The following SLC4A4 variants were observed in gnomAD, a reference collection of about 807,000 sequenced individuals.
SLC4A4 encodes electrogenic sodium bicarbonate cotransporter 1.
Under a neutral mutation model 111.5 loss-of-function variants are expected in SLC4A4, and 27 were observed. That is an observed-to-expected ratio of 0.24 (90% confidence interval 0.18 to 0.33). SLC4A4 has a LOEUF of 0.33. SLC4A4 is among the 10% of genes least tolerant of loss of function. The probability of loss-of-function intolerance (pLI) is 1.00; values close to 1 mark genes in which losing one functional copy is unlikely to be tolerated. For missense variants in SLC4A4, 909 were observed against 1,315.5 expected (o/e 0.69, Z 4.78); for synonymous variants, 443 against 463.4 (o/e 0.96, Z 0.57).
chr4:71,555,180 T>C lies in SLC4A4; in HGVS notation c.2735T>C (p.Met912Thr). Residue 912 changes from methionine to threonine, a missense_variant, in exon 21 of 26, where the codon ATG (methionine) becomes ACG (threonine). This residue lies in a region of SLC4A4 where 104 missense variants were observed against 219.5 expected (regional missense o/e 0.47). Transcript: ENST00000264485. The part of the protein sequence containing the change: ...MPVLYGVFLY[M>T]GVASLNGVQF... Reference sequence around the variant, plus strand: ...GTACTCTATGGTGTGTTCCTGTATATGGGAGTAGCATCCCTTAATGGTGTG... The same window carrying C: ...GTACTCTATGGTGTGTTCCTGTATACGGGAGTAGCATCCCTTAATGGTGTG... 1 of 1,610,530 alleles carries C rather than the reference T, an allele frequency of 6.2e-7. No individual in the cohort carries two copies. The highest frequency in any genetic ancestry group is 1.1e-5 in the South Asian group (1 of 90,998).
At chr4:71,101,539 G>A (rs1007582001) in intron 2 of SLC4A4, among the ~76,000 whole-genome samples, 1 of 152,112 alleles carries the variant, frequency 6.6e-6, no homozygotes, top group African/African-American at 2.4e-5. Flanking sequence ...ATTTGTCAGA[G>A]AGCAGTGGTT....
chr4:71,176,609 C>T (rs199669808), intron 2 of SLC4A4, among the ~76,000 whole-genome samples: 21 of 151,838 alleles, frequency 1.4e-4, no homozygotes, highest in African/African-American at 2.7e-4. Context: ...TGAAATGAAG[C>T]GAGAAGAGAA....
intron 2 of SLC4A4, among the ~76,000 whole-genome samples, chr4:71,095,843 G>T (rs1742531195): frequency 6.6e-6 from 1 of 152,176 alleles, no homozygotes; most frequent in Non-Finnish European, 1.5e-5. Context: ...TAATCTGAAG[G>T]TCAGAGAAAG....
intron 13 of SLC4A4, among the ~76,000 whole-genome samples, chr4:71,470,799 A>G (rs767128424): frequency 3.9e-5 from 6 of 152,034 alleles, no homozygotes; most frequent in East Asian, 1.9e-4. Context: ...AGAACCAGGA[A>G]GAGCTGATGT....
At chr4:71,076,233 A>T (rs1741816115) in intron 1 of SLC4A4, among the ~76,000 whole-genome samples, 1 of 152,104 alleles carries the variant, frequency 6.6e-6, no homozygotes, top group African/African-American at 2.4e-5. Context: ...CAGATGCTTG[A>T]AGAATATTGT....
intron 2 of SLC4A4, among the ~76,000 whole-genome samples, chr4:71,130,042 TAC>T (rs1306080502): frequency 6.6e-6 from 1 of 152,160 alleles, no homozygotes; most frequent in African/African-American, 2.4e-5. Context: ...CCATGCTTAT[TAC>T]CTGGGTGATG....
At chr4:71,498,165 G>A (rs1730585918) in intron 16 of SLC4A4, among the ~76,000 whole-genome samples, 1 of 152,038 alleles carries the variant, frequency 6.6e-6, no homozygotes, top group Admixed American at 6.6e-5. Context: ...ATTGGTGTAA[G>A]ATATGACTGT....
At chr4:71,068,883 C>A (rs1282398335) in intron 1 of SLC4A4, among the ~76,000 whole-genome samples, 1 of 152,226 alleles carries the variant, frequency 6.6e-6, no homozygotes, top group Non-Finnish European at 1.5e-5. Context: ...CCATTTTTAG[C>A]AGTGCTTTTT....
At position 71,173,467 on chromosome 4, in the gene SLC4A4, A is replaced by G. The variant is rs574867125; in HGVS notation, c.-1-63109A>G. Among the ~76,000 whole-genome samples the G allele has an allele frequency of 2.0e-5, 3 of 152,176 alleles. No individual in the cohort carries two copies. In the South Asian group the frequency reaches 6.2e-4, roughly 32 times the overall value. On this transcript the variant is annotated intron_variant, in intron 2 of 26. Coordinates refer to the SLC4A4 transcript ENST00000649996. ...ACGATCTCAGCTCACTGCAACCTCC[A>G]CCTCCTGGGTTTAAGTGATTCTCCT...
intron 6 of SLC4A4, among the ~76,000 whole-genome samples, chr4:71,372,448 A>G (rs944341496): frequency 6.6e-6 from 1 of 152,256 alleles, no homozygotes; most frequent in Non-Finnish European, 1.5e-5. Context: ...CCTTGCCATT[A>G]TTAGAGCATA....
chr4:71,504,684 T>C (rs6840114), intron 16 of SLC4A4, among the ~76,000 whole-genome samples: 61,681 of 150,210 alleles, frequency 0.41, 15,425 homozygotes, highest in African/African-American at 0.65. Flanking sequence ...GTGTTATTAT[T>C]ATTTTTCTTT....
intron 1 of SLC4A4, chr4:71,233,329 T>C (rs1719572050): frequency 2.0e-6 from 2 of 985,218 alleles, no homozygotes; most frequent in Non-Finnish European, 2.4e-6. Flanking sequence ...AAAATTATAT[T>C]TGGCAATTAG....
At chr4:71,228,734 T>C (rs560228369) in intron 1 of SLC4A4, among the ~76,000 whole-genome samples, 2 of 152,340 alleles carry the variant, frequency 1.3e-5, no homozygotes, top group South Asian at 2.1e-4. Context: ...GAAAATTTTA[T>C]TGAGGTAATT....
intron 7 of SLC4A4, among the ~76,000 whole-genome samples, chr4:71,439,070 T>C (rs897900476): frequency 6.6e-6 from 1 of 152,020 alleles, no homozygotes; most frequent in Non-Finnish European, 1.5e-5. Context: ...TTCTCAGCTT[T>C]TTTTGATAGC....
intron 12 of SLC4A4, among the ~76,000 whole-genome samples, chr4:71,459,212 A>G (rs1483288717): frequency 6.6e-6 from 1 of 152,020 alleles, no homozygotes; most frequent in Non-Finnish European, 1.5e-5. Context: ...AGAAAATGAT[A>G]GTGATTTAGG....
rs1407578194 is a variant in SLC4A4 at position 71,487,058 on chromosome 4, G to A, written c.1974+40G>A. The A allele has an allele frequency of 3.4e-6, 4 of 1,170,262 alleles. No individual in the cohort carries two copies. The African/African-American group carries it at 6.1e-5, about 18-fold the overall frequency. The allele number at this position is 1,170,262 out of a possible 1,614,324, so 72.5% of individuals were successfully genotyped here. On this transcript the variant is annotated intron_variant, in intron 15 of 25. Coordinates refer to ENST00000264485, the MANE Select transcript of SLC4A4 (RefSeq NM_001098484.3). ...ATTTTAAATTACCTTCATACTGACT[G>A]CATATTGTATACTTGTTTATAATAC...
At chr4:71,205,074 G>A (rs1177630829) in intron 1 of SLC4A4, among the ~76,000 whole-genome samples, 1 of 152,178 alleles carries the variant, frequency 6.6e-6, no homozygotes, top group Non-Finnish European at 1.5e-5. Flanking sequence ...GACTGTCCTA[G>A]CAGACAATAC....
At chr4:71,079,680 G>C (rs1741940187) in intron 1 of SLC4A4, among the ~76,000 whole-genome samples, 1 of 152,062 alleles carries the variant, frequency 6.6e-6, no homozygotes, top group Non-Finnish European at 1.5e-5. Flanking sequence ...GGAGGCTGTG[G>C]TGGGAGGATC....
intron 16 of SLC4A4, among the ~76,000 whole-genome samples, chr4:71,507,096 A>C (rs1731486369): frequency 6.6e-6 from 1 of 152,198 alleles, no homozygotes; most frequent in Non-Finnish European, 1.5e-5. Flanking sequence ...TGAAGGAAGC[A>C]CTAAATATGG....
Sources: allele counts gnomAD v4.1 joint callset (sites outside exome capture counted in the v4.1 genomes callset), GRCh38; gene constraint gnomAD v4.1.1; regional missense constraint gnomAD v4.1.1; transcripts MANE v1.5; gene names NCBI Gene and HGNC (gene_info 2026-07-23, HGNC 2026-07-21).